SAMD5: variants seen among roughly 807,000 people sequenced by gnomAD.
SAMD5 encodes sterile alpha motif domain containing 5, also known as sterile alpha motif domain-containing protein 5.
In SAMD5, 13 loss-of-function variants were observed where a neutral mutation model predicts 11.3. That is an observed-to-expected ratio of 1.15 (90% confidence interval 0.75 to 1.83). The LOEUF (loss-of-function observed/expected upper bound fraction) is 1.83, where lower values mean the gene tolerates loss of function less well. SAMD5 is among the 40% of genes most tolerant of loss of function. The probability of loss-of-function intolerance (pLI) is 0.00; values close to 1 mark genes in which losing one functional copy is unlikely to be tolerated. For synonymous variants in SAMD5, 129 were observed against 111.3 expected, an observed-to-expected ratio of 1.16 and a Z score of -1.00; for missense variants, 255 against 239.1, an observed-to-expected ratio of 1.07 and a Z score of -0.44.
chr6:147,888,288 GTTA>G, the SAMD5 span, among the ~76,000 whole-genome samples: 1 of 151,862 alleles, frequency 6.6e-6, no homozygotes, highest in South Asian at 2.1e-4. Context: ...GTTTTCATCT[GTTA>G]TTATTTTCTT....
intron 1 of SAMD5, among the ~76,000 whole-genome samples, chr6:147,635,380 G>T (rs915489134): frequency 6.6e-6 from 1 of 152,118 alleles, no homozygotes; most frequent in Non-Finnish European, 1.5e-5. Flanking sequence ...ATCCTATGAG[G>T]CAGGACCTAT....
the SAMD5 span, among the ~76,000 whole-genome samples, chr6:147,923,442 A>G: frequency 1.3e-5 from 2 of 152,364 alleles, no homozygotes; most frequent in Admixed American, 6.5e-5. Flanking sequence ...ATCAATGAGA[A>G]TGTGCCAAGG....
chr6:147,684,699 TA>T (rs1562351251), intron 1 of SAMD5, among the ~76,000 whole-genome samples: 1 of 152,222 alleles, frequency 6.6e-6, no homozygotes, highest in African/African-American at 2.4e-5. Flanking sequence ...AGATGACTAA[TA>T]AAATTGAACA....
chr6:147,688,916 C>G (rs17259510), intron 1 of SAMD5, among the ~76,000 whole-genome samples: 17,475 of 152,222 alleles, frequency 0.11, 1,107 homozygotes, highest in Middle Eastern at 0.16. Flanking sequence ...GAAACCTACT[C>G]TATATAGTTT....
intron 1 of SAMD5, among the ~76,000 whole-genome samples, chr6:147,586,603 AT>A (rs1220101176): frequency 1.3e-5 from 2 of 152,060 alleles, no homozygotes; most frequent in Non-Finnish European, 2.9e-5. Flanking sequence ...TTGTCTAGAT[AT>A]TTTTAATCAC....
chr6:147,903,915 A>C, the SAMD5 span, among the ~76,000 whole-genome samples: 1 of 152,126 alleles, frequency 6.6e-6, no homozygotes, highest in Admixed American at 6.5e-5. Flanking sequence ...CTTGGAAAAA[A>C]AAAAAAAAAA....
chr6:147,791,904 G>C, the SAMD5 span, among the ~76,000 whole-genome samples: 8 of 152,194 alleles, frequency 5.3e-5, no homozygotes, highest in Non-Finnish European at 7.3e-5. Flanking sequence ...ACAGTAAACA[G>C]AGTGGTGGTT....
intron 1 of SAMD5, among the ~76,000 whole-genome samples, chr6:147,671,889 AT>A (rs56865442): frequency 0.015 from 1,441 of 98,034 alleles, 11 homozygotes; most frequent in African/African-American, 0.028. Flanking sequence ...CTTTTTCAGG[AT>A]TTTTTTTTTT....
the SAMD5 span, among the ~76,000 whole-genome samples, chr6:147,935,781 G>A: frequency 2.1e-4 from 32 of 152,146 alleles, no homozygotes; most frequent in Non-Finnish European, 4.1e-4. Flanking sequence ...CCAGGGAAAA[G>A]CAAACTGCTA....
At chr6:147,744,161 G>A in the SAMD5 span, among the ~76,000 whole-genome samples, 1 of 152,098 alleles carries the variant, frequency 6.6e-6, no homozygotes, top group Admixed American at 6.5e-5. Flanking sequence ...TTCAATCTTA[G>A]TTTCTAAATA....
the SAMD5 span, among the ~76,000 whole-genome samples, chr6:147,948,949 A>G: frequency 2.0e-5 from 3 of 152,184 alleles, no homozygotes; most frequent in Non-Finnish European, 4.4e-5. Context: ...GAATTTTTCT[A>G]TTAAAGATTC....
At chr6:147,844,668 T>TAA in the SAMD5 span, among the ~76,000 whole-genome samples, 3 of 145,496 alleles carry the variant, frequency 2.1e-5, no homozygotes, top group Non-Finnish European at 3.0e-5. Context: ...TAAAACAATT[T>TAA]AAAAAAAAAA....
At chr6:147,775,695 G>A in the SAMD5 span, among the ~76,000 whole-genome samples, 1 of 152,190 alleles carries the variant, frequency 6.6e-6, no homozygotes, top group Non-Finnish European at 1.5e-5. Flanking sequence ...ACAGAGGACT[G>A]TGGTAGAAGG....
chr6:147,796,079 C>A, the SAMD5 span, among the ~76,000 whole-genome samples: 1 of 149,292 alleles, frequency 6.7e-6, no homozygotes. Context: ...AATTAGATCC[C>A]ATTTGTCAAT....
chr6:147,909,020 G>A, the SAMD5 span, among the ~76,000 whole-genome samples: 1 of 152,152 alleles, frequency 6.6e-6, no homozygotes, highest in Non-Finnish European at 1.5e-5. Context: ...ACCAACCTGG[G>A]CAACATAGAG....
At chr6:147,767,387 T>G in the SAMD5 span, among the ~76,000 whole-genome samples, 2 of 151,844 alleles carry the variant, frequency 1.3e-5, no homozygotes, top group Non-Finnish European at 2.9e-5. Flanking sequence ...ATCAAAGAGT[T>G]TGGGCCTTTT....
At chr6:147,615,348 G>A (rs910167472) in intron 1 of SAMD5, among the ~76,000 whole-genome samples, 12 of 152,014 alleles carry the variant, frequency 7.9e-5, no homozygotes, top group Non-Finnish European at 1.5e-4. Flanking sequence ...TTTTAAATTA[G>A]GCTATATTAA....
chr6:147,721,525 T>C (rs911081314), intron 1 of SAMD5, among the ~76,000 whole-genome samples: 17 of 152,356 alleles, frequency 1.1e-4, no homozygotes, highest in Admixed American at 4.6e-4. Context: ...TCATATCCTT[T>C]GCCCACTTTT....
chr6:147,703,996 C>T (rs1268134345), intron 1 of SAMD5, among the ~76,000 whole-genome samples: 3 of 152,180 alleles, frequency 2.0e-5, no homozygotes, highest in Admixed American at 6.5e-5. Flanking sequence ...CCTGGGTTCA[C>T]GCCATTCTCC....
Sources: allele counts gnomAD v4.1 joint callset (sites outside exome capture counted in the v4.1 genomes callset), GRCh38; gene constraint gnomAD v4.1.1; transcripts MANE v1.5; gene names NCBI Gene and HGNC (gene_info 2026-07-23, HGNC 2026-07-21).